The following CHODL variants were observed in gnomAD, a reference collection of about 807,000 sequenced individuals.
CHODL encodes the protein chondrolectin.
CHODL carries 29 observed loss-of-function variants against 34.5 expected under a neutral mutation model. That is an observed-to-expected ratio of 0.84 (90% CI 0.63 to 1.15). CHODL has a LOEUF of 1.15. Among genes scored for constraint, CHODL ranks in the 50% most tolerant of loss-of-function variants. CHODL has a pLI of 0.00. For synonymous variants in CHODL, 125 were observed against 116.1 expected, an observed-to-expected ratio of 1.08 and a Z score of -0.49; for missense variants, 332 against 332.5, an observed-to-expected ratio of 1.00 and a Z score of 0.01.
intron 1 of CHODL, among the ~76,000 whole-genome samples, chr21:18,023,383 G>A (rs552991170): frequency 1.3e-5 from 2 of 152,272 alleles, no homozygotes; most frequent in South Asian, 4.1e-4. Context: ...AGTTCCAGCT[G>A]GTAGTCATAC....
chr21:17,948,262 T>C (rs926582990), intron 1 of CHODL, among the ~76,000 whole-genome samples: 2 of 151,054 alleles, frequency 1.3e-5, no homozygotes, highest in Admixed American at 6.6e-5. Flanking sequence ...TAATAATCCA[T>C]GTAACAAAAA....
chr21:18,231,528 G>A (rs886482273), intron 2 of CHODL, among the ~76,000 whole-genome samples: 1 of 152,068 alleles, frequency 6.6e-6, no homozygotes, highest in African/African-American at 2.4e-5. Flanking sequence ...AAATATCCAG[G>A]TTGTAGTTCA....
chr21:18,112,975 G>T (rs2065369481), intron 2 of CHODL, among the ~76,000 whole-genome samples: 1 of 152,142 alleles, frequency 6.6e-6, no homozygotes, highest in African/African-American at 2.4e-5. Context: ...AAAGTGAAGA[G>T]ACAACCCACA....
At chr21:18,007,463 GT>G (rs956584450) in intron 1 of CHODL, among the ~76,000 whole-genome samples, 5 of 152,134 alleles carry the variant, frequency 3.3e-5, no homozygotes, top group African/African-American at 1.2e-4. Flanking sequence ...TATTTGCACT[GT>G]TTTTTTCTAA....
intron 1 of CHODL, among the ~76,000 whole-genome samples, chr21:18,021,535 G>A (rs185382522): frequency 6.6e-6 from 1 of 152,166 alleles, no homozygotes; most frequent in South Asian, 2.1e-4. Flanking sequence ...AAGGACTTCA[G>A]ATTCTGGATT....
At chr21:17,924,987 A>T (rs2063211808) in intron 1 of CHODL, among the ~76,000 whole-genome samples, 1 of 152,204 alleles carries the variant, frequency 6.6e-6, no homozygotes, top group Non-Finnish European at 1.5e-5. Flanking sequence ...CAGGATTAAG[A>T]CATTCTAAAG....
At chr21:18,082,284 C>T in intron 2 of CHODL, among the ~76,000 whole-genome samples, 1 of 152,186 alleles carries the variant, frequency 6.6e-6, no homozygotes, top group East Asian at 1.9e-4. Flanking sequence ...TTTCCTGAGG[C>T]TTCCCAGTCA....
intron 2 of CHODL, among the ~76,000 whole-genome samples, chr21:18,149,364 C>T (rs1215646071): frequency 2.6e-5 from 4 of 152,200 alleles, no homozygotes; most frequent in South Asian, 4.1e-4. Context: ...GAAATACACA[C>T]AATTGCTCTT....
intron 2 of CHODL, among the ~76,000 whole-genome samples, chr21:18,035,581 A>G (rs975858729): frequency 1.1e-4 from 16 of 152,022 alleles, no homozygotes; most frequent in African/African-American, 3.9e-4. Context: ...CTTCAATTTC[A>G]TATATACTAG....
chr21:17,984,500 CT>C (rs1272927741), intron 1 of CHODL, among the ~76,000 whole-genome samples: 1 of 151,962 alleles, frequency 6.6e-6, no homozygotes, highest in Non-Finnish European at 1.5e-5. Context: ...GATATTAACC[CT>C]TTATGAAAAT....
intron 1 of CHODL, among the ~76,000 whole-genome samples, chr21:18,256,201 T>C (rs1378384459): frequency 6.6e-6 from 1 of 151,990 alleles, no homozygotes; most frequent in Non-Finnish European, 1.5e-5. Flanking sequence ...TGAAATTCCT[T>C]TAGCTATTTT....
chr21:18,111,670 T>C (rs2065353163), intron 2 of CHODL, among the ~76,000 whole-genome samples: 1 of 152,226 alleles, frequency 6.6e-6, no homozygotes, highest in Non-Finnish European at 1.5e-5. Flanking sequence ...TTATAGTTCA[T>C]AATACACTTT....
chr21:18,101,279 C>T (rs2065210319), intron 2 of CHODL, among the ~76,000 whole-genome samples: 1 of 152,140 alleles, frequency 6.6e-6, no homozygotes, highest in African/African-American at 2.4e-5. Context: ...CCTCCCTAGC[C>T]ATGTGGAACT....
rs78702252 is a variant in CHODL at position 18,099,408 on chromosome 21, T to A, written c.-45+71437T>A. Among the ~76,000 whole-genome samples the A allele has an allele frequency of 0.01, 1,548 of 151,454 alleles. 82 individuals carry two copies. The East Asian group carries it at 0.14, about 14-fold the overall frequency. ...TAAAAGTAAAAAAATTTAAAAATAA[T>A]AATATATATTACAATATAAATCTTG... On this transcript the variant is annotated intron_variant, in intron 2 of 6. Coordinates refer to the CHODL transcript ENST00000400127.
At chr21:17,970,969 T>A (rs182112097) in intron 1 of CHODL, among the ~76,000 whole-genome samples, 1 of 152,116 alleles carries the variant, frequency 6.6e-6, no homozygotes, top group East Asian at 1.9e-4. Context: ...CACTTATGAG[T>A]GAGAAGATGT....
chr21:18,162,588 C>T (rs980514367), intron 2 of CHODL, among the ~76,000 whole-genome samples: 2 of 152,040 alleles, frequency 1.3e-5, no homozygotes, highest in African/African-American at 4.8e-5. Flanking sequence ...TCTGCAATGA[C>T]CCTATTTCCA....
At chr21:18,031,789 A>G (rs1025022192) in intron 2 of CHODL, among the ~76,000 whole-genome samples, 2 of 152,134 alleles carry the variant, frequency 1.3e-5, no homozygotes, top group Admixed American at 6.6e-5. Context: ...TAGAGAATCC[A>G]TAGCCTTTTT....
chr21:18,196,581 A>G (rs191025647), intron 2 of CHODL, among the ~76,000 whole-genome samples: 1 of 152,310 alleles, frequency 6.6e-6, no homozygotes, highest in East Asian at 1.9e-4. Context: ...CATTTCGGAA[A>G]GTAGAGTTGT....
chr21:17,951,713 G>T (rs2063459157), intron 1 of CHODL, among the ~76,000 whole-genome samples: 2 of 152,172 alleles, frequency 1.3e-5, no homozygotes, highest in South Asian at 4.1e-4. Context: ...AAAATTGATA[G>T]ATTTGCATTA....
Sources: gnomAD v4.1 joint callset for allele counts (sites outside exome capture counted in the v4.1 genomes callset) on GRCh38, gnomAD v4.1.1 for gene constraint, MANE v1.5 for transcripts, NCBI Gene and HGNC (gene_info 2026-07-23, HGNC 2026-07-21) for gene names.